ADAMTS16: variants seen among roughly 807,000 people sequenced by gnomAD.
ADAMTS16 encodes A disintegrin and metalloproteinase with thrombospondin motifs 16.
ADAMTS16 carries 94 observed loss-of-function variants against 145.8 expected under a neutral mutation model. The observed-to-expected ratio is 0.64, with a 90% CI of 0.55 to 0.77. The LOEUF (loss-of-function observed/expected upper bound fraction) is 0.77. ADAMTS16 is among the 30% of genes least tolerant of loss of function. ADAMTS16 has a pLI of 0.00. For missense variants in ADAMTS16, 1,585 were observed against 1,591.5 expected (o/e 1.00, Z 0.07); for synonymous variants, 659 against 604.3 (o/e 1.09, Z -1.33).
At chr5:5,249,540 C>G (rs190547814) in intron 17 of ADAMTS16, among the ~76,000 whole-genome samples, 2 of 152,012 alleles carry the variant, frequency 1.3e-5, no homozygotes, top group African/African-American at 4.8e-5. Flanking sequence ...AGTGAATGAA[C>G]GTTGGAACTG....
chr5:5,169,610 C>T (rs2126540177), intron 3 of ADAMTS16, among the ~76,000 whole-genome samples: 1 of 152,324 alleles, frequency 6.6e-6, no homozygotes, highest in Middle Eastern at 3.4e-3. Flanking sequence ...GGCTGGTTTG[C>T]CTTTCTGCAG....
chr5:5,222,678 G>C lies in ADAMTS16; in HGVS notation c.1606-111G>C, dbSNP rs749903710. 10 of 851,386 alleles carry C rather than the reference G, an allele frequency of 1.2e-5. No individual in the cohort carries two copies. The East Asian group carries it at 2.4e-4, about 20-fold the overall frequency. 52.7% of individuals were successfully genotyped at this position (851,386 alleles called of 1,614,324 possible). Reference sequence around the variant, plus strand: ...CTATCATATTGCTAAGTAGGCATTCGCTTGTAAATTATATCTGTTGTTTTC... The same window carrying C: ...CTATCATATTGCTAAGTAGGCATTCCCTTGTAAATTATATCTGTTGTTTTC... On this transcript the variant is annotated intron_variant, in intron 10 of 22. Transcript: ENST00000274181.
chr5:5,162,111 T>C (rs1039768388), intron 3 of ADAMTS16, among the ~76,000 whole-genome samples: 3 of 152,212 alleles, frequency 2.0e-5, no homozygotes, highest in Non-Finnish European at 4.4e-5. Context: ...TGTTAAAGTA[T>C]GTGCCAGTGA....
At chr5:5,245,478 A>G (rs1393532352) in intron 17 of ADAMTS16, among the ~76,000 whole-genome samples, 1 of 152,170 alleles carries the variant, frequency 6.6e-6, no homozygotes, top group African/African-American at 2.4e-5. Context: ...TATAGATGGT[A>G]TTTTCCTCTT....
At chr5:5,170,348 C>T (rs947108288) in intron 3 of ADAMTS16, among the ~76,000 whole-genome samples, 2 of 151,948 alleles carry the variant, frequency 1.3e-5, no homozygotes, top group African/African-American at 4.8e-5. Context: ...CTATTCATAT[C>T]TTTTGCCCAT....
At chr5:5,280,725 C>T (rs1338771701) in intron 18 of ADAMTS16, among the ~76,000 whole-genome samples, 1 of 152,086 alleles carries the variant, frequency 6.6e-6, no homozygotes, top group Admixed American at 6.6e-5. Flanking sequence ...ATAAGACATT[C>T]ATTATAACAA....
chr5:5,157,968 C>T (rs972531413), intron 3 of ADAMTS16, among the ~76,000 whole-genome samples: 3 of 152,270 alleles, frequency 2.0e-5, no homozygotes, highest in South Asian at 2.1e-4. Flanking sequence ...AGGGTTTTAG[C>T]GGATGCTGTT....
chr5:5,320,171 G>A lies in ADAMTS16; in HGVS notation c.*1033G>A, dbSNP rs934511128. On this transcript the variant is annotated 3_prime_UTR_variant, in exon 23 of 23. Coordinates refer to ENST00000274181, the MANE Select transcript of ADAMTS16 (RefSeq NM_139056.4). This position sits in a 1 kb window ranked among gnomAD's most constrained non-coding sequence, Gnocchi z 5.1. ...GTGTTAGGGTGGGAATCTGCCCGGC[G>A]TCTCTGGCACCCTCCCTGCCATCCT... 7 of 314,630 alleles carry A rather than the reference G, an allele frequency of 2.2e-5. No homozygotes were observed. The East Asian group carries it at 3.4e-4, about 15-fold the overall frequency. The allele number at this position is 314,630 out of a possible 1,614,324, so 19.5% of individuals were successfully genotyped here.
At position 5,217,647 on chromosome 5, in the gene ADAMTS16, T is replaced by C. The variant is rs1429525590; in HGVS notation, c.1606-5142T>C. Among the ~76,000 whole-genome samples the C allele has an allele frequency of 1.3e-5, 2 of 152,206 alleles. 1 individual carries two copies. The highest frequency in any genetic ancestry group is 3.9e-4 in the East Asian group (2 of 5,194). ...GTTGGTTTTACCTGGGGTGTTATGT[T>C]GTGGTGTTAAACCTTAACCAAGTTG... is the stretch of plus-strand genomic sequence containing the variant. On this transcript the variant is annotated intron_variant, in intron 10 of 22. Transcript: ENST00000274181.
At chr5:5,316,808 G>A (rs865899310) in intron 21 of ADAMTS16, among the ~76,000 whole-genome samples, 3 of 152,106 alleles carry the variant, frequency 2.0e-5, no homozygotes, top group African/African-American at 2.4e-5. Flanking sequence ...GCTTCTCCCC[G>A]TCGGACCACC....
At chr5:5,182,475 A>G (rs1735369377) in intron 4 of ADAMTS16, among the ~76,000 whole-genome samples, 170 bp downstream of exon 4, 1 of 152,202 alleles carries the variant, frequency 6.6e-6, no homozygotes, top group Non-Finnish European at 1.5e-5. Context: ...CTGTAAGTTC[A>G]GCACGGGACA....
At chr5:5,277,182 A>G (rs558853749) in intron 18 of ADAMTS16, among the ~76,000 whole-genome samples, 1 of 152,320 alleles carries the variant, frequency 6.6e-6, no homozygotes, top group African/African-American at 2.4e-5. Context: ...AAGGTAATTT[A>G]AAAGAATAGT....
intron 17 of ADAMTS16, among the ~76,000 whole-genome samples, chr5:5,257,937 A>T (rs116620593): frequency 0.022 from 3,357 of 152,330 alleles, 41 homozygotes; most frequent in Non-Finnish European, 0.032. Context: ...AAAATGGCTC[A>T]TAAAACTCAA....
At chr5:5,309,065 G>A (rs1579413171) in intron 21 of ADAMTS16, among the ~76,000 whole-genome samples, 2 of 151,972 alleles carry the variant, frequency 1.3e-5, no homozygotes, top group South Asian at 2.1e-4. Flanking sequence ...ATTTACCAGT[G>A]TGCATATTCA....
At chr5:5,271,636 G>A (rs138490351) in intron 18 of ADAMTS16, among the ~76,000 whole-genome samples, 289 of 152,294 alleles carry the variant, frequency 1.9e-3, no homozygotes, top group African/African-American at 6.7e-3. Context: ...CTTAACTCTC[G>A]TTTTCTAAGC....
intron 3 of ADAMTS16, 78 bp downstream of exon 3, chr5:5,146,533 C>A: frequency 1.4e-6 from 2 of 1,395,142 alleles, no homozygotes; most frequent in Non-Finnish European, 1.9e-6. Flanking sequence ...GACTTTCCCT[C>A]GATTTCGCAT....
chr5:5,258,003 G>A (rs1232253151), intron 17 of ADAMTS16, among the ~76,000 whole-genome samples: 1 of 152,194 alleles, frequency 6.6e-6, no homozygotes, highest in Non-Finnish European at 1.5e-5. Flanking sequence ...GTGACAAAGA[G>A]TTACATAGGT....
chr5:5,158,485 G>A (rs1490988258), intron 3 of ADAMTS16, among the ~76,000 whole-genome samples: 5 of 146,276 alleles, frequency 3.4e-5, no homozygotes. Context: ...AGTTGCATTT[G>A]GGAAGCATAC....
At chr5:5,270,579 A>G (rs1738428412) in intron 18 of ADAMTS16, among the ~76,000 whole-genome samples, 2 of 152,250 alleles carry the variant, frequency 1.3e-5, no homozygotes, top group African/African-American at 4.8e-5. Context: ...ATAAAGCAAA[A>G]CTATCCATGG....
Sources: allele counts gnomAD v4.1 joint callset (sites outside exome capture counted in the v4.1 genomes callset), GRCh38; gene constraint gnomAD v4.1.1; non-coding constraint Gnocchi (gnomAD v3.1); transcripts MANE v1.5; gene names NCBI Gene and HGNC (gene_info 2026-07-23, HGNC 2026-07-21).